PPARGC1A: variants seen among roughly 807,000 people sequenced by gnomAD.
PPARGC1A encodes peroxisome proliferator-activated receptor gamma coactivator 1-alpha.
Under a neutral mutation model 88.7 loss-of-function variants are expected in PPARGC1A, and 25 were observed. The observed-to-expected ratio is 0.28, with a 90% confidence interval of 0.21 to 0.39. The LOEUF is 0.39. Among genes scored for constraint, PPARGC1A ranks in the 10% least tolerant of loss-of-function variants. The probability of loss-of-function intolerance (pLI) is 1.00; values close to 1 mark genes in which losing one functional copy is unlikely to be tolerated. For synonymous variants in PPARGC1A, 363 were observed against 355.6 expected, an observed-to-expected ratio of 1.02 and a Z score of -0.24; for missense variants, 880 against 968.7, an observed-to-expected ratio of 0.91 and a Z score of 1.22.
the PPARGC1A span, among the ~76,000 whole-genome samples, chr4:24,323,608 T>C: frequency 2.0e-5 from 3 of 152,128 alleles, no homozygotes; most frequent in Non-Finnish European, 2.9e-5. Context: ...CCTATCTCCC[T>C]TCACTGACTC....
chr4:24,461,125 T>C, the PPARGC1A span, among the ~76,000 whole-genome samples: 15 of 152,308 alleles, frequency 9.8e-5, no homozygotes, highest in South Asian at 3.1e-3. Flanking sequence ...GGTCTTGCTA[T>C]GTTGTCCAAG....
At chr4:23,924,725 G>A in the PPARGC1A span, among the ~76,000 whole-genome samples, 1 of 152,160 alleles carries the variant, frequency 6.6e-6, no homozygotes, top group African/African-American at 2.4e-5. Flanking sequence ...ACCATGCCTA[G>A]ACATGACCAA....
chr4:24,087,586 A>C, the PPARGC1A span, among the ~76,000 whole-genome samples: 2 of 152,182 alleles, frequency 1.3e-5, no homozygotes, highest in African/African-American at 4.8e-5. Flanking sequence ...TCTTCCCTCC[A>C]AGTCCTCATG....
At chr4:24,252,710 C>A in the PPARGC1A span, among the ~76,000 whole-genome samples, 1 of 152,210 alleles carries the variant, frequency 6.6e-6, no homozygotes, top group African/African-American at 2.4e-5. Flanking sequence ...GGCCCTGAGG[C>A]CCCTCCTCAG....
chr4:24,180,657 T>C, the PPARGC1A span, among the ~76,000 whole-genome samples: 2 of 152,134 alleles, frequency 1.3e-5, no homozygotes, highest in Non-Finnish European at 2.9e-5. Flanking sequence ...CCCACTGACT[T>C]TTTTACTCTT....
At chr4:23,892,844 G>C (rs1361146172), upstream of PPARGC1A, among the ~76,000 whole-genome samples, 5 of 152,104 alleles carry the variant, frequency 3.3e-5, no homozygotes, top group Non-Finnish European at 7.4e-5. Flanking sequence ...ATTTTAGGGG[G>C]ATGACAACCC....
At chr4:24,459,979 T>C in the PPARGC1A span, among the ~76,000 whole-genome samples, 4 of 152,226 alleles carry the variant, frequency 2.6e-5, no homozygotes, top group Non-Finnish European at 5.9e-5. Context: ...TATTTGTGTA[T>C]TTTTAAAGAC....
the PPARGC1A span, among the ~76,000 whole-genome samples, chr4:24,370,066 A>G: frequency 6.6e-6 from 1 of 152,268 alleles, no homozygotes; most frequent in African/African-American, 2.4e-5. Context: ...AACAAAGGAA[A>G]AACAAGCTTC....
At chr4:24,223,369 T>C in the PPARGC1A span, among the ~76,000 whole-genome samples, 847 of 151,702 alleles carry the variant, frequency 5.6e-3, 37 homozygotes, top group East Asian at 0.11. Context: ...CCTGCCTCAG[T>C]CTCCCGAGTA....
chr4:23,918,238 G>A, the PPARGC1A span, among the ~76,000 whole-genome samples: 2 of 149,160 alleles, frequency 1.3e-5, no homozygotes, highest in South Asian at 2.1e-4. Context: ...TCTTTTTTTT[G>A]GGGGGATGGA....
At chr4:24,460,226 C>G in the PPARGC1A span, among the ~76,000 whole-genome samples, 1 of 152,208 alleles carries the variant, frequency 6.6e-6, no homozygotes, top group Non-Finnish European at 1.5e-5. Flanking sequence ...TTTAACATAA[C>G]TCCCTAAGTG....
chr4:24,272,359 C>T, the PPARGC1A span, among the ~76,000 whole-genome samples: 1 of 152,112 alleles, frequency 6.6e-6, no homozygotes, highest in Non-Finnish European at 1.5e-5. Flanking sequence ...ACACCCCGTG[C>T]TCTACCCATA....
chr4:24,009,150 A>AGAGAG, the PPARGC1A span, among the ~76,000 whole-genome samples: 2 of 79,806 alleles, frequency 2.5e-5, no homozygotes, highest in African/African-American at 5.9e-5. Context: ...AAAAAAAAAA[A>AGAGAG]AGAGAGAGAA....
At chr4:24,275,536 T>C in the PPARGC1A span, among the ~76,000 whole-genome samples, 22 of 152,224 alleles carry the variant, frequency 1.4e-4, no homozygotes, top group Non-Finnish European at 3.2e-4. Flanking sequence ...CGATAATTGC[T>C]AGGGACAGGT....
chr4:24,389,301 A>G, the PPARGC1A span, among the ~76,000 whole-genome samples: 1 of 152,278 alleles, frequency 6.6e-6, no homozygotes, highest in South Asian at 2.1e-4. Context: ...CTTAGCACCT[A>G]TAATAATGTG....
At chr4:23,799,367 C>T (rs921628094) in intron 12 of PPARGC1A, among the ~76,000 whole-genome samples, 1 of 152,186 alleles carries the variant, frequency 6.6e-6, no homozygotes, top group African/African-American at 2.4e-5. Context: ...ATGCCAGACA[C>T]GTGCTAATAG....
At chr4:24,434,811 C>T in the PPARGC1A span, among the ~76,000 whole-genome samples, 1 of 152,162 alleles carries the variant, frequency 6.6e-6, no homozygotes, top group African/African-American at 2.4e-5. Context: ...CATGACAGGC[C>T]CATGGAAACC....
chr4:24,114,844 G>A, the PPARGC1A span, among the ~76,000 whole-genome samples: 39 of 152,276 alleles, frequency 2.6e-4, no homozygotes, highest in Non-Finnish European at 5.3e-4. Flanking sequence ...AGGTGCGTGG[G>A]TAAATAGAAA....
the PPARGC1A span, among the ~76,000 whole-genome samples, chr4:24,284,787 G>C: frequency 6.6e-6 from 1 of 152,224 alleles, no homozygotes; most frequent in Non-Finnish European, 1.5e-5. Flanking sequence ...CCAGGACTTT[G>C]GGAGGCCAAG....
Sources: gnomAD v4.1 joint callset for allele counts (sites outside exome capture counted in the v4.1 genomes callset) on GRCh38, gnomAD v4.1.1 for gene constraint, MANE v1.5 for transcripts, NCBI Gene and HGNC (gene_info 2026-07-23, HGNC 2026-07-21) for gene names.